Variants in MMD2 observed in about 807,000 individuals in gnomAD.
The protein encoded by MMD2 is monocyte to macrophage differentiation factor 2.
MMD2 carries 30 observed loss-of-function variants against 33.5 expected under a neutral mutation model. The observed-to-expected ratio is 0.90, with a 90% CI of 0.67 to 1.22. MMD2 has a LOEUF of 1.22. Among genes scored for constraint, MMD2 ranks in the 50% most tolerant of loss-of-function variants. The pLI is 0.00. For missense variants in MMD2, 364 were observed against 325.4 expected (o/e 1.12, Z -0.91); for synonymous variants, 129 against 123.0 (o/e 1.05, Z -0.32).
In MMD2 at chr7:4,909,862, C is replaced by T. The variant is rs745846867; in HGVS notation, c.537+19G>A. On this transcript the variant is annotated intron_variant, in intron 6 of 6. Transcript: ENST00000401401. ...GGTCTCTTGCAGGGACTCATCTATG[C>T]AGGGCTGGCAGCACTTACCATGGAG... 1.2e-6 allele frequency: 2 copies of T among 1,603,692 alleles called. No individual in the cohort carries two copies. The highest frequency in any genetic ancestry group is 1.7e-6 in the Non-Finnish European group (2 of 1,175,274).
intron 2 of MMD2, among the ~76,000 whole-genome samples, chr7:4,925,233 A>G (rs932044836): frequency 6.6e-6 from 1 of 152,062 alleles, no homozygotes; most frequent in South Asian, 2.1e-4. Flanking sequence ...GCTCGGCCCC[A>G]TCGAAGGTTC....
intron 2 of MMD2, 140 bp from the exon 3 acceptor site, chr7:4,920,471 C>G: frequency 1.3e-6 from 1 of 770,310 alleles, no homozygotes. Context: ...AGAACGGAAT[C>G]ATTTTATTTC....
the MMD2 span, among the ~76,000 whole-genome samples, chr7:4,894,276 A>C: frequency 2.0e-5 from 3 of 152,162 alleles, no homozygotes; most frequent in African/African-American, 7.2e-5. This position sits in a 1 kb window ranked among gnomAD's most constrained non-coding sequence, Gnocchi z 4.3. Flanking sequence ...TCCAGGCCAC[A>C]TGGGGAAGTC....
intron 1 of MMD2, among the ~76,000 whole-genome samples, chr7:4,936,147 T>C (rs1785734433): frequency 6.9e-6 from 1 of 144,482 alleles, no homozygotes; most frequent in East Asian, 2.0e-4. Flanking sequence ...ATCGTGCCAC[T>C]GCACTCCAGT....
chr7:4,915,177 G>A (rs550131469), intron 4 of MMD2, among the ~76,000 whole-genome samples: 1 of 150,620 alleles, frequency 6.6e-6, no homozygotes, highest in African/African-American at 2.4e-5. Context: ...AGGCTGAGGT[G>A]GGAGGATCAC....
At chr7:4,917,270 C>G (rs1461999473) in intron 3 of MMD2, among the ~76,000 whole-genome samples, 1 of 152,152 alleles carries the variant, frequency 6.6e-6, no homozygotes, top group Non-Finnish European at 1.5e-5. Context: ...GCTTCCTTCT[C>G]TGTAAAACAC....
At position 4,908,470 on chromosome 7, in the gene MMD2, A is replaced by G. The variant is rs1784921184; in HGVS notation, c.538-871T>C. Among the ~76,000 whole-genome samples the G allele has an allele frequency of 3.3e-5, 5 of 152,242 alleles. No individual in the cohort carries two copies. The South Asian group carries it at 1.0e-3, about 32-fold the overall frequency. ...AGCTTATCTTTTGTAAAAATGTAAT[A>G]CATCTGGGTATATACCCAAAGAATT... On this transcript the variant is annotated intron_variant, in intron 6 of 6. Coordinates refer to ENST00000401401, the MANE Select transcript of MMD2 (RefSeq NM_198403.4).
intron 1 of MMD2, among the ~76,000 whole-genome samples, chr7:4,928,923 C>T (rs148375326): frequency 1.8e-4 from 28 of 152,180 alleles, no homozygotes; most frequent in Admixed American, 2.6e-4. Context: ...GCTGGCTCCA[C>T]GCTAGTACAG....
chr7:4,910,006 GCA>G, intron 5 of MMD2, 56 bp from the exon 6 acceptor site: 1 of 1,613,930 alleles, frequency 6.2e-7, no homozygotes, highest in Non-Finnish European at 8.5e-7. Context: ...CGAAGAAACT[GCA>G]CACAGCTCCC....
Position 4,909,865 on chromosome 7 carries a change from G to C in MMD2, c.537+16C>G, listed in dbSNP as rs373217961. The C allele has an allele frequency of 1.1e-4, 170 of 1,605,838 alleles. No individual in the cohort carries two copies. The African/African-American group carries it at 2.1e-3, about 19-fold the overall frequency. On this transcript the variant is annotated intron_variant, in intron 6 of 6. Coordinates refer to ENST00000401401, the MANE Select transcript of MMD2 (RefSeq NM_198403.4). ...CTCTTGCAGGGACTCATCTATGCAGGGCTGGCAGCACTTACCATGGAGAGG... is the reference window on the plus strand; with the variant it reads ...CTCTTGCAGGGACTCATCTATGCAGCGCTGGCAGCACTTACCATGGAGAGG...
chr7:4,918,970 A>G (rs541284681), intron 3 of MMD2, among the ~76,000 whole-genome samples: 2 of 152,012 alleles, frequency 1.3e-5, no homozygotes, highest in Non-Finnish European at 2.9e-5. Context: ...GAGGTGGTGC[A>G]TGCCTGTAGT....
chr7:4,905,766 A>C (rs1375123039), downstream of MMD2, among the ~76,000 whole-genome samples: 1 of 151,906 alleles, frequency 6.6e-6, no homozygotes, highest in Non-Finnish European at 1.5e-5. This position sits in a 1 kb window ranked among gnomAD's most constrained non-coding sequence, Gnocchi z 5.0. Flanking sequence ...AAGTTTCCCC[A>C]CTGACCTCCA....
chr7:4,946,386 C>T lies in MMD2; in HGVS notation c.47+12585G>A, dbSNP rs1786089016. ...TTCTCTGAAAGAAATGAAACCTTGGCTTTATCTAAGATAATAATGAAAATC... is the reference window on the plus strand; with the variant it reads ...TTCTCTGAAAGAAATGAAACCTTGGTTTTATCTAAGATAATAATGAAAATC... On this transcript the variant is annotated intron_variant, in intron 1 of 6. Coordinates refer to ENST00000401401, the MANE Select transcript of MMD2 (RefSeq NM_198403.4). The surrounding 1 kb of genome is among the most constrained non-coding windows in gnomAD (Gnocchi z 5.0). Among the ~76,000 whole-genome samples, 1 of 152,176 alleles carries T rather than the reference C, an allele frequency of 6.6e-6. No individual in the cohort carries two copies. Among genetic ancestry groups the T allele is most frequent in the Non-Finnish European group, 1.5e-5 (1 of 68,026 alleles).
At chr7:4,956,087 G>A (rs1346917853) in intron 1 of MMD2, among the ~76,000 whole-genome samples, 1 of 151,838 alleles carries the variant, frequency 6.6e-6, no homozygotes, top group Non-Finnish European at 1.5e-5. Flanking sequence ...CACATCTGTG[G>A]CTTGTATATT....
rs1023787098 is a variant in MMD2 at position 4,912,430 on chromosome 7, C to T, written c.366-1184G>A. Among the ~76,000 whole-genome samples, 6 of 149,166 alleles carry T rather than the reference C, an allele frequency of 4.0e-5. 1 individual carries two copies. The highest frequency in any genetic ancestry group is 4.3e-4 in the South Asian group (2 of 4,698). On this transcript the variant is annotated intron_variant, in intron 4 of 6. Transcript: ENST00000401401. The stretch of plus-strand genomic sequence containing the variant: ...AAACAAAATGAGCCAGGCGTGGTGT[C>T]GGGCGCCTGTAGTCCCAGCTACTCA...
rs117312803 is a variant in MMD2 at position 4,952,194 on chromosome 7, C to G, written c.47+6777G>C. Among the ~76,000 whole-genome samples the G allele has an allele frequency of 3.3e-5, 5 of 152,338 alleles. No individual in the cohort carries two copies. In the East Asian group the frequency reaches 7.7e-4, roughly 24 times the overall value. On this transcript the variant is annotated intron_variant, in intron 1 of 6. Coordinates refer to ENST00000401401, the MANE Select transcript of MMD2 (RefSeq NM_198403.4). ...ACTCCTGCTCCCAGCGGCTTGCAGTCTGGCTGGGGAGAGGTGTGCAAAGCT... is the reference window on the plus strand; with the variant it reads ...ACTCCTGCTCCCAGCGGCTTGCAGTGTGGCTGGGGAGAGGTGTGCAAAGCT...
chr7:4,911,631 ATTTAT>A (rs1391567935), intron 4 of MMD2, among the ~76,000 whole-genome samples: 1 of 150,976 alleles, frequency 6.6e-6, no homozygotes, highest in Non-Finnish European at 1.5e-5. Flanking sequence ...CATTTATTTT[ATTTAT>A]TTTATTTTAT....
chr7:4,892,722 C>G, the MMD2 span, among the ~76,000 whole-genome samples: 2 of 151,646 alleles, frequency 1.3e-5, no homozygotes, highest in African/African-American at 4.8e-5. Context: ...TGCAATTTCT[C>G]TTTTGTTTTT....
chr7:4,903,886 A>T (rs1784826513), downstream of MMD2, among the ~76,000 whole-genome samples: 1 of 151,870 alleles, frequency 6.6e-6, no homozygotes, highest in Non-Finnish European at 1.5e-5. Flanking sequence ...GGCCCCAGGG[A>T]TGGAAAGGAA....
Sources: gnomAD v4.1 joint callset for allele counts (sites outside exome capture counted in the v4.1 genomes callset) on GRCh38, gnomAD v4.1.1 for gene constraint, Gnocchi (gnomAD v3.1) non-coding constraint, MANE v1.5 for transcripts, NCBI Gene and HGNC (gene_info 2026-07-23, HGNC 2026-07-21) for gene names.